The following FARP1 variants were observed in gnomAD, a reference collection of about 807,000 sequenced individuals.
FARP1 encodes FERM, ARHGEF and pleckstrin domain-containing protein 1.
A neutral mutation model predicts 128.8 loss-of-function variants in FARP1; 52 were observed. That is an observed-to-expected ratio of 0.40 (90% CI 0.32 to 0.51). FARP1 has a LOEUF of 0.51. FARP1 is among the 20% of genes least tolerant of loss of function. The probability of loss-of-function intolerance (pLI) is 0.45; values close to 1 mark genes in which losing one functional copy is unlikely to be tolerated. For missense variants in FARP1, 1,333 were observed against 1,367.9 expected, an observed-to-expected ratio of 0.97 and a Z score of 0.40; for synonymous variants, 580 against 551.8, an observed-to-expected ratio of 1.05 and a Z score of -0.72.
chr13:98,155,270 G>A (rs543650591), intron 1 of FARP1, among the ~76,000 whole-genome samples: 48 of 150,362 alleles, frequency 3.2e-4, no homozygotes, highest in African/African-American at 1.1e-3. Flanking sequence ...GGCTTGAACC[G>A]GGAGGCAGAG....
rs780995828 is a variant in FARP1 at position 98,446,209 on chromosome 13, A to C, written c.2904+4A>C. Reference sequence around the variant, plus strand: ...GTTCTTCTACAAATCACACCAGGTAAGTGTCTCGCACAGGGCAGGTGGCCC... The same window carrying C: ...GTTCTTCTACAAATCACACCAGGTACGTGTCTCGCACAGGGCAGGTGGCCC... On this transcript the variant is annotated splice_donor_region_variant and intron_variant, in intron 25 of 26. Transcript: ENST00000319562. 3 of 1,601,506 alleles carry C rather than the reference A, an allele frequency of 1.9e-6. No homozygotes were observed. The highest frequency in any genetic ancestry group is 2.2e-5 in the South Asian group (2 of 90,682).
rs532190459 is a variant in FARP1, at chr13:98,155,805, C to A, written c.-24+12313C>A. On this transcript the variant is annotated intron_variant, in intron 1 of 26. Coordinates refer to ENST00000319562, the MANE Select transcript of FARP1 (RefSeq NM_005766.4). ...AAGTGCTGGGATTATGGGGGTGAGC[C>A]ACTGCGCCTGGCCCTGCTGTGGCTG... is the stretch of plus-strand genomic sequence containing the variant. 3.9e-3 allele frequency among the ~76,000 whole-genome samples: 593 copies of A among 152,312 alleles called. 2 individuals carry two copies. In the Middle Eastern group the frequency reaches 0.058, roughly 15 times the overall value.
At chr13:98,322,257 C>A (rs1887027781) in intron 2 of FARP1, among the ~76,000 whole-genome samples, 2 of 152,164 alleles carry the variant, frequency 1.3e-5, no homozygotes, top group Non-Finnish European at 2.9e-5. Flanking sequence ...GAGATTGCAC[C>A]ATTGCACTCT....
intron 2 of FARP1, among the ~76,000 whole-genome samples, chr13:98,241,587 C>T (rs1882776160): frequency 6.6e-6 from 1 of 152,106 alleles, no homozygotes; most frequent in Non-Finnish European, 1.5e-5. Flanking sequence ...CAAGACCAGC[C>T]TGGGCAATAT....
intron 1 of FARP1, among the ~76,000 whole-genome samples, chr13:98,163,505 C>T (rs1877026745): frequency 6.6e-6 from 1 of 151,334 alleles, no homozygotes; most frequent in Non-Finnish European, 1.5e-5. Flanking sequence ...CCCAAATAGC[C>T]ATTTAGGAAA....
At position 98,148,998 on chromosome 13, in the gene FARP1, C is replaced by T. The variant is rs142251493; in HGVS notation, c.-24+5506C>T. 2.2e-3 allele frequency among the ~76,000 whole-genome samples: 333 copies of T among 151,888 alleles called. 4 individuals carry two copies. Among genetic ancestry groups the T allele is most frequent in the African/African-American group, 6.7e-3 (276 of 41,424 alleles). On this transcript the variant is annotated intron_variant, in intron 1 of 26. Transcript: ENST00000319562. The stretch of plus-strand genomic sequence containing the variant: ...ACTTCCTGGGCTCAAGTGATCCTCT[C>T]ACGTCGGCCTCCCAAGTAGCTGGAA...
chr13:98,213,203 C>G lies in FARP1; in HGVS notation c.-23-17C>G. 1 of 1,590,014 alleles carries G rather than the reference C, an allele frequency of 6.3e-7. No individual in the cohort carries two copies. The highest frequency in any genetic ancestry group is 8.6e-7 in the Non-Finnish European group (1 of 1,168,134). On this transcript the variant is annotated splice_polypyrimidine_tract_variant and intron_variant, in intron 1 of 26. Transcript: ENST00000319562. ...CTCCTATTCTGATGTGTTTTTCTTT[C>G]TCACTGCTTCCTGCAGATATTCTCT...
intron 1 of FARP1, among the ~76,000 whole-genome samples, chr13:98,202,878 C>A (rs113012973): frequency 0.035 from 5,265 of 152,002 alleles, 294 homozygotes; most frequent in African/African-American, 0.12. Flanking sequence ...TACCACCATG[C>A]CTGGGTAGTT....
At chr13:98,215,344 T>C (rs1694934621) in intron 2 of FARP1, among the ~76,000 whole-genome samples, 1 of 152,232 alleles carries the variant, frequency 6.6e-6, no homozygotes. Context: ...CCTGGATGCC[T>C]ACTCTCTCAA....
intron 2 of FARP1, among the ~76,000 whole-genome samples, chr13:98,327,376 A>T (rs1412949201): frequency 1.3e-5 from 2 of 152,148 alleles, no homozygotes; most frequent in Non-Finnish European, 2.9e-5. Context: ...CAAACAGCTA[A>T]CTTTTGCAGT....
intron 2 of FARP1, among the ~76,000 whole-genome samples, chr13:98,235,130 G>A (rs1882341641): frequency 6.6e-6 from 1 of 152,106 alleles, no homozygotes. Flanking sequence ...GTCCTTGTGT[G>A]TACCCCACCT....
rs772270467 is a variant in FARP1, at chr13:98,368,111, C to A, written c.320-6C>A. 2 of 1,608,956 alleles carry A rather than the reference C, an allele frequency of 1.2e-6. No individual in the cohort carries two copies. The highest frequency in any genetic ancestry group is 8.5e-7 in the Non-Finnish European group (1 of 1,177,346). On this transcript the variant is annotated splice_polypyrimidine_tract_variant and splice_region_variant and intron_variant, in intron 4 of 26. Coordinates refer to ENST00000319562, the MANE Select transcript of FARP1 (RefSeq NM_005766.4). ...ATGCTTTACTTCTTTTTTTCTTCTT[C>A]TTTAGGGCCAAAGCACGTTGTTGTT...
At chr13:98,219,408 G>A (rs1236489415) in intron 2 of FARP1, among the ~76,000 whole-genome samples, 2 of 151,514 alleles carry the variant, frequency 1.3e-5, no homozygotes, top group African/African-American at 4.9e-5. Flanking sequence ...AGGTTGGAGT[G>A]CAGTGGCATG....
chr13:98,180,298 T>A (rs1036862376), intron 1 of FARP1, among the ~76,000 whole-genome samples: 1 of 151,852 alleles, frequency 6.6e-6, no homozygotes. Flanking sequence ...AGGGGCCACG[T>A]ACTTCTAAAC....
chr13:98,431,448 T>C (rs1892018321), intron 18 of FARP1, 168 bp downstream of exon 18: 1 of 531,856 alleles, frequency 1.9e-6, no homozygotes, highest in African/African-American at 2.1e-5. Context: ...CTCTGGTGTT[T>C]GGTTACATCT....
intron 1 of FARP1, among the ~76,000 whole-genome samples, chr13:98,169,076 C>G (rs543333978): frequency 6.6e-6 from 1 of 151,842 alleles, no homozygotes; most frequent in South Asian, 2.1e-4. Flanking sequence ...TTTGATTTTT[C>G]TACGTATCCA....
Position 98,409,825 on chromosome 13 carries a change from G to A in FARP1, c.1602+300G>A, listed in dbSNP as rs374155492. On this transcript the variant is annotated intron_variant, in intron 14 of 26. Coordinates refer to ENST00000319562, the MANE Select transcript of FARP1 (RefSeq NM_005766.4). ...TGTCTCTATGAATTTGCCTACTCTAGGTACCTCATATAAGCAGAATCACCC... is the reference window on the plus strand; with the variant it reads ...TGTCTCTATGAATTTGCCTACTCTAAGTACCTCATATAAGCAGAATCACCC... Among the ~76,000 whole-genome samples the A allele has an allele frequency of 3.3e-4, 51 of 152,264 alleles. 2 individuals are homozygous for A. Among genetic ancestry groups the A allele is most frequent in the African/African-American group, 1.2e-3 (51 of 41,544 alleles).
chr13:98,388,496 G>T lies in FARP1; in HGVS notation c.855+18G>T. The T allele has an allele frequency of 6.3e-7, 1 of 1,591,566 alleles. No homozygotes were observed. The highest frequency in any genetic ancestry group is 8.6e-7 in the Non-Finnish European group (1 of 1,159,542). On this transcript the variant is annotated intron_variant, in intron 9 of 26. Transcript: ENST00000319562. ...ATGCCAATGTAAGTGGTCCTGGCGG[G>T]AAAGGGGACCCGTTGAGCCATGGGA...
chr13:98,255,608 T>A (rs1345767272), intron 2 of FARP1, among the ~76,000 whole-genome samples: 1 of 152,260 alleles, frequency 6.6e-6, no homozygotes, highest in African/African-American at 2.4e-5. Flanking sequence ...TGTATTTGCC[T>A]TCATGGGTTG....
Sources: allele counts gnomAD v4.1 joint callset (sites outside exome capture counted in the v4.1 genomes callset), GRCh38; gene constraint gnomAD v4.1.1; transcripts MANE v1.5; gene names NCBI Gene and HGNC (gene_info 2026-07-23, HGNC 2026-07-21).